Variants in MACO1 observed in about 807,000 individuals in gnomAD.
MACO1 encodes the protein macoilin.
A neutral mutation model predicts 78.7 loss-of-function variants in MACO1; 14 were observed. The ratio of observed to expected loss-of-function variants is 0.18; its 90% CI spans 0.12 to 0.28. The LOEUF is 0.28. Among genes scored for constraint, MACO1 ranks in the 10% least tolerant of loss-of-function variants. MACO1 has a pLI of 1.00. For synonymous variants in MACO1, 288 were observed against 291.6 expected (o/e 0.99, Z 0.12); for missense variants, 501 against 799.0 (o/e 0.63, Z 4.50).
intron 6 of MACO1, among the ~76,000 whole-genome samples, chr1:25,465,144 A>G (rs1026547265): frequency 4.6e-5 from 7 of 152,048 alleles, no homozygotes. Flanking sequence ...CTAATAGCTC[A>G]TTTCTTTTTA....
At chr1:25,439,286 C>G (rs2042946875) in intron 1 of MACO1, among the ~76,000 whole-genome samples, 4 of 151,886 alleles carry the variant, frequency 2.6e-5, no homozygotes, top group Admixed American at 6.6e-5. Context: ...ACCCTTGCTA[C>G]TTGGGAGGCT....
chr1:25,465,123 CT>C (rs771278191), intron 6 of MACO1, among the ~76,000 whole-genome samples: 1 of 152,138 alleles, frequency 6.6e-6, no homozygotes, highest in Non-Finnish European at 1.5e-5. Flanking sequence ...TGCTCCGTGT[CT>C]TTTCCTGGCC....
chr1:25,468,371 A>G (rs1008367371), intron 6 of MACO1, among the ~76,000 whole-genome samples: 2 of 152,150 alleles, frequency 1.3e-5, no homozygotes, highest in Non-Finnish European at 2.9e-5. Context: ...AGAGCCCTGA[A>G]CTAGAAGACT....
At chr1:25,432,417 G>C (rs1218823586) in intron 1 of MACO1, among the ~76,000 whole-genome samples, 1 of 152,176 alleles carries the variant, frequency 6.6e-6, no homozygotes, top group Non-Finnish European at 1.5e-5. Context: ...TATAAAATGA[G>C]CCATAGAGCA....
At chr1:25,433,622 T>C (rs1401277232) in intron 1 of MACO1, among the ~76,000 whole-genome samples, 2 of 152,190 alleles carry the variant, frequency 1.3e-5, no homozygotes, top group East Asian at 3.8e-4. Context: ...TTCTGAGCCT[T>C]GGCATAGGAA....
intron 1 of MACO1, among the ~76,000 whole-genome samples, chr1:25,445,893 A>T (rs2043011473): frequency 2.6e-5 from 4 of 152,224 alleles, no homozygotes; most frequent in Admixed American, 2.6e-4. Flanking sequence ...GAGGCTTGTT[A>T]ACAAGTAGAA....
chr1:25,481,706 G>T (rs546242674), intron 6 of MACO1, among the ~76,000 whole-genome samples: 3 of 152,278 alleles, frequency 2.0e-5, no homozygotes, highest in African/African-American at 7.2e-5. Flanking sequence ...TATAAATGCC[G>T]ATCTGTAATT....
chr1:25,480,929 AATATATATATATATATATATATATATAT>A (rs202050214), intron 6 of MACO1, among the ~76,000 whole-genome samples: 1 of 47,938 alleles, frequency 2.1e-5, no homozygotes, highest in Non-Finnish European at 3.4e-5. Context: ...AAAAAAAAAA[AATATATATATATATATATATATATATAT>A]ATATATATAT....
At chr1:25,440,583 A>G (rs2042962830) in intron 1 of MACO1, among the ~76,000 whole-genome samples, 1 of 152,012 alleles carries the variant, frequency 6.6e-6, no homozygotes, top group Non-Finnish European at 1.5e-5. Context: ...AGCCTGGTCA[A>G]CATGGTGAAA....
chr1:25,443,314 A>T (rs78169236), intron 1 of MACO1, among the ~76,000 whole-genome samples: 1 of 152,372 alleles, frequency 6.6e-6, no homozygotes, highest in East Asian at 1.9e-4. Flanking sequence ...AAAACCTCTA[A>T]GACTAAAATG....
chr1:25,459,669 A>T (rs1016868775), intron 6 of MACO1, among the ~76,000 whole-genome samples: 2 of 151,586 alleles, frequency 1.3e-5, no homozygotes, highest in Non-Finnish European at 2.9e-5. Context: ...TAGTGACAGG[A>T]TTTCACCATG....
chr1:25,439,870 T>C (rs1047773725), intron 1 of MACO1, among the ~76,000 whole-genome samples: 2 of 151,746 alleles, frequency 1.3e-5, no homozygotes, highest in Non-Finnish European at 2.9e-5. Flanking sequence ...AATGAAAAAT[T>C]AGCTGGGCAT....
In MACO1 at chr1:25,453,338, CTT is replaced by C. The variant is rs1274236979; in HGVS notation, c.350-918_350-917del. 2.0e-5 allele frequency among the ~76,000 whole-genome samples: 3 copies of C among 149,720 alleles called. No individual in the cohort carries two copies. In the East Asian group the frequency reaches 6.2e-4, roughly 31 times the overall value. ...ATTTTTATGTATTTATCTCAAGACT[CTT>C]TTATGTTTCTATGGGGTAGATTCTT... On this transcript the variant is annotated intron_variant, in intron 3 of 10. Transcript: ENST00000374343.
chr1:25,446,699 A>G, intron 1 of MACO1, 63 bp from the exon 2 acceptor site: 2 of 1,467,490 alleles, frequency 1.4e-6, no homozygotes, highest in African/African-American at 2.8e-5. Flanking sequence ...GAAACAGTGA[A>G]TTTTCTATTT....
intron 6 of MACO1, among the ~76,000 whole-genome samples, chr1:25,464,689 C>T (rs1275836000): frequency 7.2e-5 from 9 of 124,536 alleles, no homozygotes; most frequent in Admixed American, 6.6e-4. Flanking sequence ...TGGAATCTTG[C>T]TCTTGTTGCC....
intron 6 of MACO1, among the ~76,000 whole-genome samples, chr1:25,460,395 C>G (rs865968837): frequency 1.3e-5 from 2 of 151,854 alleles, no homozygotes; most frequent in African/African-American, 4.8e-5. Context: ...ACCATCCTTT[C>G]TCCTACACAT....
rs745318071 is a variant in MACO1, at chr1:25,456,656, T to C, written c.477T>C (p.Ile159=). The C allele has an allele frequency of 2.7e-5, 43 of 1,612,878 alleles. No homozygotes were observed. Among genetic ancestry groups the C allele is most frequent in the South Asian group, 1.1e-5 (1 of 90,800 alleles). The part of the protein sequence containing the change: ...DLCRPFAAHC[I]GYPVVTLGFG... ...GGCTGGATTGTCTTCTTTCTAGTATTGGGTACCCTGTGGTAACTTTGGGGT... is the reference window on the plus strand; with the variant it reads ...GGCTGGATTGTCTTCTTTCTAGTATCGGGTACCCTGTGGTAACTTTGGGGT... Residue 159 remains isoleucine (I), a synonymous_variant, in exon 5 of 11, where the codon ATT becomes ATC. Coordinates refer to ENST00000374343, the MANE Select transcript of MACO1 (RefSeq NM_018202.6).
At chr1:25,447,170 C>T (rs894167833) in intron 2 of MACO1, among the ~76,000 whole-genome samples, 1 of 151,980 alleles carries the variant, frequency 6.6e-6, no homozygotes, top group Admixed American at 6.6e-5. Context: ...ATGGCATATT[C>T]CCTCCTCTTC....
At chr1:25,478,802 G>A (rs1007953792) in intron 6 of MACO1, among the ~76,000 whole-genome samples, 1 of 152,228 alleles carries the variant, frequency 6.6e-6, no homozygotes, top group Non-Finnish European at 1.5e-5. Flanking sequence ...GCTTTGCCAT[G>A]GGCCCTGTCT....
Sources: allele counts gnomAD v4.1 joint callset (sites outside exome capture counted in the v4.1 genomes callset), GRCh38; gene constraint gnomAD v4.1.1; transcripts MANE v1.5; gene names NCBI Gene and HGNC (gene_info 2026-07-23, HGNC 2026-07-21).